MTARC2: variants seen among roughly 807,000 people sequenced by gnomAD.
MTARC2 encodes MOCO sulphurase C-terminal domain containing 2.
A neutral mutation model predicts 35.6 loss-of-function variants in MTARC2; 27 were observed. That is an observed-to-expected ratio of 0.76 (90% confidence interval 0.56 to 1.04). MTARC2 has a LOEUF of 1.04. MTARC2 is among the 50% of genes least tolerant of loss of function. The pLI is 0.00. For missense variants in MTARC2, 412 were observed against 432.5 expected (o/e 0.95, Z 0.42); for synonymous variants, 158 against 167.1 (o/e 0.95, Z 0.42).
At chr1:220,759,955 G>A (rs1671395412) in intron 2 of MTARC2, among the ~76,000 whole-genome samples, 1 of 152,118 alleles carries the variant, frequency 6.6e-6, no homozygotes, top group Admixed American at 6.5e-5. Flanking sequence ...AGCACCTCAG[G>A]TGTCCACATT....
intron 2 of MTARC2, among the ~76,000 whole-genome samples, chr1:220,757,245 G>C (rs568470783): frequency 3.3e-5 from 5 of 152,328 alleles, no homozygotes; most frequent in African/African-American, 1.2e-4. Flanking sequence ...ATGAATTGTA[G>C]ATCTGGATGA....
At chr1:220,764,662 G>A (rs954711782) in intron 4 of MTARC2, among the ~76,000 whole-genome samples, 4 of 151,996 alleles carry the variant, frequency 2.6e-5, no homozygotes, top group African/African-American at 9.7e-5. Context: ...GGTGGTGCGT[G>A]CCTATAGTCC....
At chr1:220,777,435 T>A (rs1285066267) in intron 4 of MTARC2, among the ~76,000 whole-genome samples, 1 of 152,180 alleles carries the variant, frequency 6.6e-6, no homozygotes, top group Non-Finnish European at 1.5e-5. Context: ...GTTATGGGGC[T>A]AGTCCCTACC....
At chr1:220,777,498 C>T (rs1413498883) in intron 4 of MTARC2, among the ~76,000 whole-genome samples, 6 of 152,156 alleles carry the variant, frequency 3.9e-5, no homozygotes, top group Non-Finnish European at 8.8e-5. Flanking sequence ...TGCCTCCTGC[C>T]CAAGCGAAGC....
At chr1:220,769,216 C>T (rs1671665797) in intron 4 of MTARC2, among the ~76,000 whole-genome samples, 1 of 152,226 alleles carries the variant, frequency 6.6e-6, no homozygotes, top group Non-Finnish European at 1.5e-5. Context: ...GGACTTTCGC[C>T]TCTTTCTCAT....
intron 4 of MTARC2, among the ~76,000 whole-genome samples, chr1:220,766,957 C>A (rs1572305195): frequency 7.3e-6 from 1 of 137,686 alleles, no homozygotes; most frequent in African/African-American, 2.7e-5. Context: ...CCTTGGGCAA[C>A]ATGGTGAAAC....
Position 220,784,416 on chromosome 1 carries a change from C to T in MTARC2, c.*529C>T, listed in dbSNP as rs140615574. On this transcript the variant is annotated 3_prime_UTR_variant, in exon 8 of 8. Transcript: ENST00000366913. ...TGGCCATTGAGTCCTGTTGACTTTC[C>T]ACTCATGTGCTTTTTACTCTAGCAT... 5.6e-5 allele frequency: 9 copies of T among 161,168 alleles called. No individual in the cohort carries two copies. Among genetic ancestry groups the T allele is most frequent in the Non-Finnish European group, 9.5e-5 (7 of 73,850 alleles). 10.0% of individuals were successfully genotyped at this position (161,168 alleles called of 1,614,324 possible).
At position 220,748,525 on chromosome 1, in the gene MTARC2, C is replaced by T. The variant is rs1671039584; in HGVS notation, c.-7C>T. 2 of 1,396,656 alleles carry T rather than the reference C, an allele frequency of 1.4e-6. No individual in the cohort carries two copies. The highest frequency in any genetic ancestry group is 5.2e-4 in the Middle Eastern group (2 of 3,830). The allele number at this position is 1,396,656 out of a possible 1,614,324, so 86.5% of individuals were successfully genotyped here. Reference sequence around the variant, plus strand: ...GTGCGCCGGTCCGCGCCCGCCCTCGCTCTGCCATGGGCGCTTCCAGCTCCT... The same window carrying T: ...GTGCGCCGGTCCGCGCCCGCCCTCGTTCTGCCATGGGCGCTTCCAGCTCCT... On this transcript the variant is annotated 5_prime_UTR_variant, in exon 1 of 8. Coordinates refer to ENST00000366913, the MANE Select transcript of MTARC2 (RefSeq NM_017898.5).
At chr1:220,762,114 A>C (rs1056240004) in intron 3 of MTARC2, among the ~76,000 whole-genome samples, 2 of 152,198 alleles carry the variant, frequency 1.3e-5, no homozygotes, top group Admixed American at 1.3e-4. Flanking sequence ...ATGCAAGAGA[A>C]AACTGGCTGG....
In MTARC2 at chr1:220,780,236, A is replaced by C; in HGVS notation, c.881A>C (p.Lys294Thr). Residue 294 changes from lysine to threonine, a missense_variant, in exon 6 of 8, where the codon AAG becomes ACG. By Grantham distance (78) the Lys-to-Thr change is moderately conservative (BLOSUM62 -1). Coordinates refer to ENST00000366913, the MANE Select transcript of MTARC2 (RefSeq NM_017898.5). ...IDRKQPLDTLKSYRLCDPSER... is the reference protein window; with the variant it reads ...IDRKQPLDTLTSYRLCDPSER... ...AGGAAACAGCCACTGGACACCCTGA[A>C]GAGGTAGAATACCACCACAGCCAGT... 1.2e-6 allele frequency: 2 copies of C among 1,611,420 alleles called. No individual in the cohort carries two copies. Among genetic ancestry groups the C allele is most frequent in the Non-Finnish European group, 1.7e-6 (2 of 1,179,154 alleles).
chr1:220,780,974 C>G (rs565802233), intron 6 of MTARC2, among the ~76,000 whole-genome samples: 133 of 131,874 alleles, frequency 1.0e-3, no homozygotes, highest in Non-Finnish European at 1.6e-3. Context: ...GTTGTCAGAG[C>G]TTTTTTACCA....
intron 7 of MTARC2, among the ~76,000 whole-genome samples, chr1:220,782,683 C>T (rs570747413): frequency 1.3e-5 from 2 of 152,174 alleles, no homozygotes; most frequent in South Asian, 2.1e-4. Context: ...TGTTACTTGC[C>T]TTTGTAGTCT....
chr1:220,749,097 T>A (rs1430955627), intron 1 of MTARC2, among the ~76,000 whole-genome samples: 3 of 152,206 alleles, frequency 2.0e-5, no homozygotes, highest in Admixed American at 6.5e-5. Context: ...AAGTTTGTGA[T>A]TCTATCCTAG....
intron 4 of MTARC2, among the ~76,000 whole-genome samples, chr1:220,770,005 G>C (rs1050757744): frequency 6.0e-5 from 9 of 150,518 alleles, no homozygotes; most frequent in African/African-American, 2.2e-4. Flanking sequence ...TACTCGGGAG[G>C]CTGAGGCAGG....
intron 1 of MTARC2, among the ~76,000 whole-genome samples, chr1:220,752,846 C>T: frequency 6.6e-6 from 1 of 151,908 alleles, no homozygotes; most frequent in Admixed American, 6.6e-5. Context: ...GAGACCCTGT[C>T]TCCCTCTCTC....
rs373806562 is a variant in MTARC2, at chr1:220,762,372, C to G, written c.610-538C>G. ...TTATACTAGGCTCAGTGCAAAAGAC[C>G]AAAGCCTCTGATTCTGCCATGAGCT... On this transcript the variant is annotated intron_variant, in intron 3 of 7. Coordinates refer to ENST00000366913, the MANE Select transcript of MTARC2 (RefSeq NM_017898.5). Among the ~76,000 whole-genome samples the G allele has an allele frequency of 4.3e-4, 66 of 152,286 alleles. 1 individual carries two copies. Among genetic ancestry groups the G allele is most frequent in the African/African-American group, 1.6e-3 (66 of 41,580 alleles).
chr1:220,775,488 C>T (rs11118601), intron 4 of MTARC2, among the ~76,000 whole-genome samples: 21,703 of 152,152 alleles, frequency 0.14, 2,592 homozygotes, highest in African/African-American at 0.31. Flanking sequence ...GGGAAGACCC[C>T]GGAATCTTTT....
chr1:220,769,978 G>T (rs535863234), intron 4 of MTARC2, among the ~76,000 whole-genome samples: 1 of 149,264 alleles, frequency 6.7e-6, no homozygotes, highest in African/African-American at 2.5e-5. Context: ...GTGATGGCGG[G>T]CGACTGTAGC....
In MTARC2 at chr1:220,780,259, A is replaced by T. The variant is rs1672033375; in HGVS notation, c.884+20A>T. 6.2e-7 allele frequency: 1 copy of T among 1,600,236 alleles called. No homozygotes were observed. Among genetic ancestry groups the T allele is most frequent in the Admixed American group, 1.8e-5 (1 of 56,074 alleles). ...GAAGAGGTAGAATACCACCACAGCC[A>T]GTGTATTTTAAATATTATCTCCACC... On this transcript the variant is annotated intron_variant, in intron 6 of 7. Transcript: ENST00000366913.
Sources: allele counts gnomAD v4.1 joint callset (sites outside exome capture counted in the v4.1 genomes callset), GRCh38; gene constraint gnomAD v4.1.1; transcripts MANE v1.5; gene names NCBI Gene and HGNC (gene_info 2026-07-23, HGNC 2026-07-21).